TTC23: variants seen among roughly 807,000 people sequenced by gnomAD.
The protein encoded by TTC23 is tetratricopeptide repeat protein 23.
In TTC23, 58 loss-of-function variants were observed where a neutral mutation model predicts 55.1. The observed-to-expected ratio is 1.05, with a 90% CI of 0.85 to 1.31. TTC23 has a LOEUF of 1.31. Ranked by LOEUF, TTC23 falls within the 50% of genes most tolerant of loss-of-function variation. The probability of loss-of-function intolerance (pLI) is 0.00; values close to 1 mark genes in which losing one functional copy is unlikely to be tolerated. For missense variants in TTC23, 516 were observed against 534.4 expected, an observed-to-expected ratio of 0.97 and a Z score of 0.34; for synonymous variants, 203 against 199.9, an observed-to-expected ratio of 1.02 and a Z score of -0.13.
In TTC23 at chr15:99,161,868, C is replaced by T. The variant is rs1045641813; in HGVS notation, c.866-1G>A. 2.5e-6 allele frequency: 4 copies of T among 1,592,708 alleles called. No homozygotes were observed. The highest frequency in any genetic ancestry group is 3.4e-6 in the Non-Finnish European group (4 of 1,174,178). ...TCTTGAAAATACTGCTCAGCTACAT[C>T]TGAAGAAAAGCATTTATCATAACTT... On this transcript the variant is annotated splice_acceptor_variant, in intron 10 of 13. Transcript: ENST00000394132. LOFTEE classifies it high-confidence loss of function.
intron 9 of TTC23, among the ~76,000 whole-genome samples, chr15:99,184,756 G>A (rs1425783194): frequency 2.6e-5 from 4 of 152,164 alleles, no homozygotes; most frequent in African/African-American, 9.7e-5. Flanking sequence ...TGTTGGAAGG[G>A]CATGACTATG....
At chr15:99,154,596 C>A (rs1451273119) in intron 12 of TTC23, among the ~76,000 whole-genome samples, 3 of 152,142 alleles carry the variant, frequency 2.0e-5, no homozygotes, top group Non-Finnish European at 4.4e-5. Context: ...ACTTCCCAGG[C>A]TCCAGAATTA....
chr15:99,182,106 T>C (rs2074180516), intron 9 of TTC23, among the ~76,000 whole-genome samples: 1 of 152,094 alleles, frequency 6.6e-6, no homozygotes, highest in South Asian at 2.1e-4. Flanking sequence ...TCTTAAGTGG[T>C]GGAAAAGAAT....
chr15:99,156,063 A>G, intron 12 of TTC23, 85 bp downstream of exon 12: 1 of 1,571,412 alleles, frequency 6.4e-7, no homozygotes, highest in Non-Finnish European at 8.7e-7. Context: ...AGTTTCATTT[A>G]AAAGAACCAC....
rs2071390988 is a variant in TTC23, at chr15:99,161,649, T to C, written c.993+91A>G. The C allele has an allele frequency of 3.5e-6, 5 of 1,447,140 alleles. No homozygotes were observed. In the South Asian group the frequency reaches 5.4e-5, roughly 16 times the overall value. 89.6% of individuals were successfully genotyped at this position (1,447,140 alleles called of 1,614,324 possible). The stretch of plus-strand genomic sequence containing the variant: ...AGACTGGCACATGCTTTGCACACAG[T>C]AGATGCTTAATGGATGCTTGCAGAG... On this transcript the variant is annotated intron_variant, in intron 11 of 13. Coordinates refer to ENST00000394132, the MANE Select transcript of TTC23 (RefSeq NM_001288615.3).
At chr15:99,149,236 T>C (rs782327461) in intron 12 of TTC23, among the ~76,000 whole-genome samples, 8 of 152,238 alleles carry the variant, frequency 5.3e-5, no homozygotes, top group Non-Finnish European at 8.8e-5. Flanking sequence ...TGTCCTCACA[T>C]AGGTACATGT....
chr15:99,193,197 T>C (rs866567213), intron 9 of TTC23, among the ~76,000 whole-genome samples: 3 of 152,172 alleles, frequency 2.0e-5, no homozygotes, highest in Admixed American at 6.5e-5. Context: ...AATGCTGAAA[T>C]GAGGTGAGAC....
intron 9 of TTC23, among the ~76,000 whole-genome samples, chr15:99,183,620 T>C (rs913193182): frequency 3.5e-4 from 53 of 151,306 alleles, no homozygotes; most frequent in African/African-American, 1.1e-3. Context: ...ATTACAAGCA[T>C]GAGCCATCGC....
intron 12 of TTC23, chr15:99,155,911 A>T (rs2070478436): frequency 1.8e-6 from 1 of 549,648 alleles, no homozygotes. Flanking sequence ...GTAAAAAATT[A>T]AAAATATTTG....
chr15:99,219,942 G>A (rs1157099673), intron 6 of TTC23, among the ~76,000 whole-genome samples: 1 of 152,160 alleles, frequency 6.6e-6, no homozygotes, highest in African/African-American at 2.4e-5. Context: ...AGAAAATCAA[G>A]GGTATGTGTT....
intron 3 of TTC23, among the ~76,000 whole-genome samples, chr15:99,236,513 T>C (rs2079331033): frequency 6.6e-6 from 1 of 151,730 alleles, no homozygotes; most frequent in African/African-American, 2.4e-5. Context: ...TCACCCAAGC[T>C]GGAGTGCAGT....
intron 9 of TTC23, among the ~76,000 whole-genome samples, chr15:99,177,623 C>A (rs2073714549): frequency 6.6e-6 from 1 of 152,186 alleles, no homozygotes; most frequent in Non-Finnish European, 1.5e-5. Context: ...TTGGAGAGAA[C>A]AATCACTGTG....
chr15:99,235,659 T>G (rs375250058), intron 3 of TTC23, among the ~76,000 whole-genome samples: 6 of 152,210 alleles, frequency 3.9e-5, no homozygotes, highest in East Asian at 3.9e-4. Context: ...CATGAGCCAC[T>G]GTGCCCGGAC....
At chr15:99,204,352 T>A (rs1362276478) in intron 8 of TTC23, among the ~76,000 whole-genome samples, 1 of 152,176 alleles carries the variant, frequency 6.6e-6, no homozygotes, top group East Asian at 1.9e-4. Flanking sequence ...TTCTATTCAG[T>A]TGTTTGAACT....
intron 9 of TTC23, among the ~76,000 whole-genome samples, chr15:99,199,205 A>C (rs1036410318): frequency 6.6e-6 from 1 of 152,142 alleles, no homozygotes; most frequent in African/African-American, 2.4e-5. Context: ...CAAGACTGCA[A>C]CATAGAAATC....
At chr15:99,209,369 A>T (rs28654561) in intron 8 of TTC23, among the ~76,000 whole-genome samples, 1 of 152,204 alleles carries the variant, frequency 6.6e-6, no homozygotes, top group Admixed American at 6.5e-5. Context: ...AAAGAATTAC[A>T]TCTGGGTATC....
At chr15:99,163,650 C>G (rs1430766124) in intron 10 of TTC23, among the ~76,000 whole-genome samples, 2 of 152,164 alleles carry the variant, frequency 1.3e-5, no homozygotes, top group African/African-American at 4.8e-5. Flanking sequence ...ATCTAACCCC[C>G]ATGGTGATGA....
intron 8 of TTC23, among the ~76,000 whole-genome samples, chr15:99,207,015 T>C (rs1010302122): frequency 1.3e-5 from 2 of 152,162 alleles, no homozygotes; most frequent in Non-Finnish European, 2.9e-5. Flanking sequence ...CATTTTCATT[T>C]GTTTCAAGAA....
intron 8 of TTC23, among the ~76,000 whole-genome samples, chr15:99,210,571 C>T (rs920053372): frequency 2.0e-5 from 3 of 152,098 alleles, no homozygotes; most frequent in African/African-American, 4.8e-5. Context: ...AGGGAGCAGG[C>T]AAGGGAGAAG....
Sources: gnomAD v4.1 joint callset for allele counts (sites outside exome capture counted in the v4.1 genomes callset) on GRCh38, gnomAD v4.1.1 for gene constraint, MANE v1.5 for transcripts, NCBI Gene and HGNC (gene_info 2026-07-23, HGNC 2026-07-21) for gene names.